The following ADCY2 variants were observed in gnomAD, a reference collection of about 807,000 sequenced individuals.
ADCY2 encodes adenylate cyclase 2, also known as adenylate cyclase type 2.
In ADCY2, 31 loss-of-function variants were observed where a neutral mutation model predicts 125.2. That is an observed-to-expected ratio of 0.25 (90% CI 0.19 to 0.33). The LOEUF (loss-of-function observed/expected upper bound fraction) is 0.33. Among genes scored for constraint, ADCY2 ranks in the 10% least tolerant of loss-of-function variants. The pLI, the probability that ADCY2 is intolerant of heterozygous loss-of-function variation, is 1.00. For synonymous variants in ADCY2, 512 were observed against 548.4 expected, an observed-to-expected ratio of 0.93 and a Z score of 0.93; for missense variants, 904 against 1,418.2, an observed-to-expected ratio of 0.64 and a Z score of 5.82.
chr5:7,651,420 C>T (rs1431337949), intron 4 of ADCY2, among the ~76,000 whole-genome samples: 2 of 152,160 alleles, frequency 1.3e-5, no homozygotes, highest in Admixed American at 1.3e-4. Flanking sequence ...CCCAAAACCT[C>T]AAAAGTAGGG....
intron 2 of ADCY2, among the ~76,000 whole-genome samples, chr5:7,444,362 G>T (rs911809691): frequency 6.6e-6 from 1 of 151,872 alleles, no homozygotes; most frequent in Non-Finnish European, 1.5e-5. Flanking sequence ...TGATCCTCCC[G>T]CCTCGGCCTC....
rs112979150 is a variant in ADCY2 at position 7,820,980 on chromosome 5, C to T, written c.3123+291C>T. Among the ~76,000 whole-genome samples, 258 of 152,292 alleles carry T rather than the reference C, an allele frequency of 1.7e-3. 2 individuals carry two copies. Among genetic ancestry groups the T allele is most frequent in the African/African-American group, 5.7e-3 (237 of 41,564 alleles). On this transcript the variant is annotated intron_variant, in intron 24 of 24. Transcript: ENST00000338316. ...GCCCTGAGCATTCAGTACAGGAGAA[C>T]CTTTATTACTTCTCCTGGTGCTAAT...
intron 14 of ADCY2, among the ~76,000 whole-genome samples, chr5:7,737,542 C>T (rs1041833374): frequency 1.3e-5 from 2 of 152,130 alleles, no homozygotes; most frequent in African/African-American, 4.8e-5. Context: ...TCTCATCGGC[C>T]AAACTAGCTA....
At chr5:7,632,049 C>T (rs1419150219) in intron 4 of ADCY2, among the ~76,000 whole-genome samples, 2 of 152,130 alleles carry the variant, frequency 1.3e-5, no homozygotes, top group African/African-American at 4.8e-5. Flanking sequence ...CCAAGCTGGA[C>T]ATTAATAGTG....
chr5:7,741,381 A>G (rs1384335311), intron 14 of ADCY2, among the ~76,000 whole-genome samples: 2 of 152,164 alleles, frequency 1.3e-5, no homozygotes, highest in African/African-American at 4.8e-5. Context: ...TGGCAAAATG[A>G]GGTAATAATA....
At chr5:7,551,140 G>A (rs543607685) in intron 3 of ADCY2, among the ~76,000 whole-genome samples, 1 of 151,050 alleles carries the variant, frequency 6.6e-6, no homozygotes, top group East Asian at 2.0e-4. Flanking sequence ...TGTGTTCAAG[G>A]GTCATAATTG....
intron 10 of ADCY2, 125 bp from the exon 11 acceptor site, chr5:7,712,727 GTAAT>G (rs1267550374): frequency 3.0e-6 from 2 of 675,502 alleles, no homozygotes; most frequent in Non-Finnish European, 5.2e-6. Context: ...CTCCACATGA[GTAAT>G]TAATTATTTG....
intron 11 of ADCY2, among the ~76,000 whole-genome samples, chr5:7,715,449 G>C (rs1272660561): frequency 6.6e-6 from 1 of 151,982 alleles, no homozygotes; most frequent in African/African-American, 2.4e-5. Flanking sequence ...CTCAAGTCTA[G>C]ATGTGGGACT....
intron 4 of ADCY2, among the ~76,000 whole-genome samples, chr5:7,637,108 A>G (rs10037241): frequency 0.056 from 8,569 of 152,210 alleles, 800 homozygotes; most frequent in African/African-American, 0.19. Flanking sequence ...TTTTCCTAAT[A>G]TGTTGTATTC....
chr5:7,432,129 G>A (rs1231776173), intron 2 of ADCY2, among the ~76,000 whole-genome samples: 1 of 152,050 alleles, frequency 6.6e-6, no homozygotes, highest in African/African-American at 2.4e-5. Flanking sequence ...TGTAGCTTTG[G>A]AGAGGAGTCC....
intron 2 of ADCY2, among the ~76,000 whole-genome samples, chr5:7,485,621 T>C (rs185547537): frequency 3.2e-4 from 48 of 152,314 alleles, no homozygotes; most frequent in African/African-American, 1.1e-3. Flanking sequence ...CTTTGACATA[T>C]TAGTTTCTCA....
At chr5:7,595,416 C>A (rs997267838) in intron 3 of ADCY2, among the ~76,000 whole-genome samples, 19 of 152,214 alleles carry the variant, frequency 1.2e-4, no homozygotes, top group African/African-American at 4.3e-4. Flanking sequence ...GCATTTAAAT[C>A]TATTTTTTCC....
At position 7,757,409 on chromosome 5, in the gene ADCY2, A is replaced by C. The variant is rs749189513; in HGVS notation, c.1957-40A>C. On this transcript the variant is annotated intron_variant, in intron 15 of 24. Coordinates refer to ENST00000338316, the MANE Select transcript of ADCY2 (RefSeq NM_020546.3). ...ATCAAGAAACTGGAGAGAAGTCATCAGCTAGCAATGCTTCTCTTTTTCTTT... is the reference window on the plus strand; with the variant it reads ...ATCAAGAAACTGGAGAGAAGTCATCCGCTAGCAATGCTTCTCTTTTTCTTT... 3.7e-6 allele frequency: 6 copies of C among 1,601,988 alleles called. No individual in the cohort carries two copies. The South Asian group carries it at 6.7e-5, about 18-fold the overall frequency.
intron 4 of ADCY2, among the ~76,000 whole-genome samples, chr5:7,670,445 G>A (rs1013786592): frequency 1.3e-5 from 2 of 152,184 alleles, no homozygotes; most frequent in African/African-American, 4.8e-5. Context: ...GTGACAAAAT[G>A]TACATGGACT....
At chr5:7,574,177 T>C (rs1245331562) in intron 3 of ADCY2, among the ~76,000 whole-genome samples, 1 of 121,320 alleles carries the variant, frequency 8.2e-6, no homozygotes, top group Admixed American at 8.1e-5. Context: ...ACATTTGGGT[T>C]GGTTCCAAGT....
In ADCY2 at chr5:7,727,244, G is replaced by A; in HGVS notation, c.1854G>A (p.Gln618=). Residue 618 remains glutamine (Q), a synonymous_variant, in exon 14 of 25, where the codon CAG becomes CAA. Coordinates refer to ENST00000338316, the MANE Select transcript of ADCY2 (RefSeq NM_020546.3). The part of the protein sequence containing the change: ...CLIFFCIFIV[Q]ILVLPKTSVL... ...TATTCTTCTGCATCTTCATTGTGCA[G>A]ATTCTCGTGCTGCCAAAGTAAGTAC... The A allele has an allele frequency of 6.2e-7, 1 of 1,614,084 alleles. No individual in the cohort carries two copies. The highest frequency in any genetic ancestry group is 8.5e-7 in the Non-Finnish European group (1 of 1,179,942).
intron 18 of ADCY2, among the ~76,000 whole-genome samples, chr5:7,783,340 C>T (rs1313421146): frequency 6.6e-6 from 1 of 152,132 alleles, no homozygotes; most frequent in Non-Finnish European, 1.5e-5. Flanking sequence ...GTGGCTAAAA[C>T]AGCCTGCAGG....
At position 7,535,589 on chromosome 5, in the gene ADCY2, C is replaced by T. The variant is rs575726925; in HGVS notation, c.570+14690C>T. Among the ~76,000 whole-genome samples, 8 of 152,176 alleles carry T rather than the reference C, an allele frequency of 5.3e-5. No homozygotes were observed. In the South Asian group the frequency reaches 1.0e-3, roughly 20 times the overall value. ...TAATCATGAAAAATGACCACGCTTC[C>T]GGCATCCTCAAACTTTGATGTTATT... On this transcript the variant is annotated intron_variant, in intron 3 of 24. Transcript: ENST00000338316.
Position 7,523,816 on chromosome 5 carries a change from T to A in ADCY2, c.570+2917T>A, listed in dbSNP as rs539241915. ...AATGTAACACTATGTAAAATAAGGA[T>A]ACTGGCCTGATATGAAGAAAGAGGT... On this transcript the variant is annotated intron_variant, in intron 3 of 24. Transcript: ENST00000338316. 3.3e-5 allele frequency among the ~76,000 whole-genome samples: 5 copies of A among 152,330 alleles called. No individual in the cohort carries two copies. In the South Asian group the frequency reaches 1.0e-3, roughly 32 times the overall value.
Sources: gnomAD v4.1 joint callset for allele counts (sites outside exome capture counted in the v4.1 genomes callset) on GRCh38, gnomAD v4.1.1 for gene constraint, MANE v1.5 for transcripts, NCBI Gene and HGNC (gene_info 2026-07-23, HGNC 2026-07-21) for gene names.